ARHGEF18: variants seen among roughly 807,000 people sequenced by gnomAD.
The protein encoded by ARHGEF18 is Rho/Rac guanine nucleotide exchange factor 18.
Under a neutral mutation model 155.7 loss-of-function variants are expected in ARHGEF18, and 93 were observed. The observed-to-expected ratio is 0.60, with a 90% CI of 0.50 to 0.71. The LOEUF (loss-of-function observed/expected upper bound fraction) is 0.71. Ranked by LOEUF, ARHGEF18 falls within the 30% of genes least tolerant of loss-of-function variation. ARHGEF18 has a pLI of 0.00. For synonymous variants in ARHGEF18, 742 were observed against 753.1 expected, an observed-to-expected ratio of 0.99 and a Z score of 0.24; for missense variants, 1,593 against 1,816.1, an observed-to-expected ratio of 0.88 and a Z score of 2.23.
intron 18 of ARHGEF18, among the ~76,000 whole-genome samples, chr19:7,457,824 G>T (rs1455759336): frequency 6.6e-6 from 1 of 152,142 alleles, no homozygotes; most frequent in Non-Finnish European, 1.5e-5. Context: ...CTTGAAGGAT[G>T]CGTGACAGAC....
intron 10 of ARHGEF18, among the ~76,000 whole-genome samples, chr19:7,434,308 A>G (rs1223775328): frequency 2.6e-5 from 4 of 152,080 alleles, no homozygotes; most frequent in African/African-American, 9.7e-5. Context: ...TCTTGAATTC[A>G]TGAAACCAAG....
At position 7,383,067 on chromosome 19, in the gene ARHGEF18, G is replaced by A; in HGVS notation, c.831G>A (p.Lys277=). 1 of 1,232,436 alleles carries A rather than the reference G, an allele frequency of 8.1e-7. No individual in the cohort carries two copies. The highest frequency in any genetic ancestry group is 4.1e-5 in the South Asian group (1 of 24,316). The allele number at this position is 1,232,436 out of a possible 1,614,324, so 76.3% of individuals were successfully genotyped here. ...SRVTRQKEKG[K]SPAHLKDKGQ... ...CCCACCTCTGTCCCATCCAGGGGAA[G>A]AGCCCAGCACATCTGAAGGACAAGG... Residue 277 remains lysine (K), a synonymous_variant, in exon 10 of 29, where the codon AAG becomes AAA. Transcript: ENST00000668164.
At chr19:7,474,962 G>A (rs1370484914), downstream of ARHGEF18, among the ~76,000 whole-genome samples, 1 of 152,048 alleles carries the variant, frequency 6.6e-6, no homozygotes, top group Non-Finnish European at 1.5e-5. Flanking sequence ...GGCTGGGCAC[G>A]GTGGCCCACG....
chr19:7,424,814 TG>T lies in ARHGEF18; in HGVS notation c.968-15529del, dbSNP rs568911902. ...ATCGGGACCATCCTGGCCAACATGG[TG>T]AAACCTCATCTCTACTAAAAATACA... On this transcript the variant is annotated intron_variant, in intron 10 of 28. Coordinates refer to ENST00000668164, the MANE Select transcript of ARHGEF18 (RefSeq NM_001367823.1). Among the ~76,000 whole-genome samples, 352 of 152,058 alleles carry T rather than the reference TG, an allele frequency of 2.3e-3. 2 individuals carry two copies. The highest frequency in any genetic ancestry group is 7.9e-3 in the African/African-American group (329 of 41,488).
At position 7,470,287 on chromosome 19, in the gene ARHGEF18, ATCT is replaced by A. The variant is rs1351546343; in HGVS notation, c.4082_4084del (p.Phe1361del). ...GGAGGACGCCAGCAAAGAAGACGTCATCTTCTTCTAAAAGGGCCGTGACTCAAG... is the reference window on the plus strand; with the variant it reads ...GGAGGACGCCAGCAAAGAAGACGTCATCTTCTAAAAGGGCCGTGACTCAAG... On this transcript the variant is annotated inframe_deletion, in exon 29 of 29. Coordinates refer to ENST00000668164, the MANE Select transcript of ARHGEF18 (RefSeq NM_001367823.1). This position sits in a 1 kb window ranked among gnomAD's most constrained non-coding sequence, Gnocchi z 5.9. 8 of 1,535,926 alleles carry A rather than the reference ATCT, an allele frequency of 5.2e-6. No homozygotes were observed. Among genetic ancestry groups the A allele is most frequent in the South Asian group, 1.2e-5 (1 of 82,660 alleles).
At chr19:7,415,800 A>G (rs4804166) in intron 10 of ARHGEF18, among the ~76,000 whole-genome samples, 83,591 of 151,906 alleles carry the variant, frequency 0.55, 23,478 homozygotes, top group Middle Eastern at 0.74. Context: ...TGGGATTTGC[A>G]GAGTCAGTGT....
Position 7,462,039 on chromosome 19 carries a change from C to G in ARHGEF18, c.2453-113C>G, listed in dbSNP as rs1175501234. ...GGAATGCAGGACACAAGGGGGCAGC[C>G]TACCTCAGGGCAGGGCCAGCGGGGT... On this transcript the variant is annotated intron_variant, in intron 20 of 28. Coordinates refer to ENST00000668164, the MANE Select transcript of ARHGEF18 (RefSeq NM_001367823.1). This position sits in a 1 kb window ranked among gnomAD's most constrained non-coding sequence, Gnocchi z 4.4. 6 of 1,244,110 alleles carry G rather than the reference C, an allele frequency of 4.8e-6. No homozygotes were observed. The Admixed American group carries it at 1.1e-4, about 23-fold the overall frequency. The allele number at this position is 1,244,110 out of a possible 1,614,324, so 77.1% of individuals were successfully genotyped here.
At chr19:7,375,465 C>G (rs768491519) in intron 3 of ARHGEF18, among the ~76,000 whole-genome samples, 3 of 151,320 alleles carry the variant, frequency 2.0e-5, no homozygotes, top group Non-Finnish European at 4.4e-5. Flanking sequence ...AAAGAGAAAA[C>G]CAGTCTGTGC....
chr19:7,393,896 C>T (rs563704005), intron 10 of ARHGEF18, among the ~76,000 whole-genome samples: 3 of 150,404 alleles, frequency 2.0e-5, no homozygotes, highest in Admixed American at 6.7e-5. Context: ...TCTGATGGCA[C>T]CTGCCTGGGT....
At chr19:7,431,631 C>T (rs1213660508) in intron 10 of ARHGEF18, among the ~76,000 whole-genome samples, 1 of 151,576 alleles carries the variant, frequency 6.6e-6, no homozygotes, top group Non-Finnish European at 1.5e-5. Context: ...GCCTGACCAA[C>T]ATGGCGAAAC....
intron 10 of ARHGEF18, among the ~76,000 whole-genome samples, chr19:7,433,003 A>T (rs1974048280): frequency 6.6e-6 from 1 of 151,620 alleles, no homozygotes; most frequent in East Asian, 1.9e-4. Flanking sequence ...GCTACAGAAA[A>T]ATTTTAAATT....
At chr19:7,453,047 A>G (rs994093083) in intron 16 of ARHGEF18, among the ~76,000 whole-genome samples, 4 of 151,680 alleles carry the variant, frequency 2.6e-5, no homozygotes, top group Admixed American at 6.6e-5. Context: ...AATACCAAAA[A>G]AAATAGCTGG....
At chr19:7,447,412 C>G (rs1461566662) in intron 15 of ARHGEF18, among the ~76,000 whole-genome samples, 1 of 151,616 alleles carries the variant, frequency 6.6e-6, no homozygotes, top group African/African-American at 2.4e-5. Flanking sequence ...TTGCTTGAAC[C>G]CAGGAAGCAA....
chr19:7,372,691 A>G (rs957447884), intron 2 of ARHGEF18, 121 bp from the exon 3 acceptor site: 45 of 1,037,030 alleles, frequency 4.3e-5, no homozygotes, highest in African/African-American at 5.0e-5. Flanking sequence ...CCCAGGAGGG[A>G]CAGGTAGGGG....
chr19:7,370,786 T>A (rs8111637), intron 2 of ARHGEF18, among the ~76,000 whole-genome samples: 3 of 152,094 alleles, frequency 2.0e-5, no homozygotes, highest in Non-Finnish European at 2.9e-5. Context: ...CGTGGAGGAA[T>A]CTTGAGGACG....
rs553242416 is a variant in ARHGEF18 at position 7,439,000 on chromosome 19, TA to T, written c.968-1343del. 5.3e-5 allele frequency among the ~76,000 whole-genome samples: 8 copies of T among 152,094 alleles called. No homozygotes were observed. In the South Asian group the frequency reaches 1.7e-3, roughly 32 times the overall value. ...CGATTCCGTGCCTCAGCCTCCCGAGTAGCTGAGATTACAGGCATCCACCACC... is the reference window on the plus strand; with the variant it reads ...CGATTCCGTGCCTCAGCCTCCCGAGTGCTGAGATTACAGGCATCCACCACC... On this transcript the variant is annotated intron_variant, in intron 10 of 28. Coordinates refer to ENST00000668164, the MANE Select transcript of ARHGEF18 (RefSeq NM_001367823.1).
At chr19:7,475,381 T>C (rs957878629), downstream of ARHGEF18, among the ~76,000 whole-genome samples, 4 of 152,062 alleles carry the variant, frequency 2.6e-5, no homozygotes, top group African/African-American at 9.7e-5. Flanking sequence ...CTGAGGGGTG[T>C]GAGGTTTCTC....
At position 7,470,154 on chromosome 19, in the gene ARHGEF18, G is replaced by A. The variant is rs578103182; in HGVS notation, c.3942G>A (p.Pro1314=). The change falls in exon 29 of 29, where the codon CCG becomes CCA. Residue 1314 remains proline, a synonymous_variant. Coordinates refer to ENST00000668164, the MANE Select transcript of ARHGEF18 (RefSeq NM_001367823.1). This position sits in a 1 kb window ranked among gnomAD's most constrained non-coding sequence, Gnocchi z 5.9. ...PDPGFPAPSP[P]PADSPSEGFS... is the part of the protein sequence containing the mutation. Reference sequence around the variant, plus strand: ...CTGGCTTCCCCGCCCCGAGCCCACCGCCAGCTGACAGCCCCTCCGAGGGCT... The same window carrying A: ...CTGGCTTCCCCGCCCCGAGCCCACCACCAGCTGACAGCCCCTCCGAGGGCT... 5.1e-5 allele frequency: 82 copies of A among 1,609,078 alleles called. No individual in the cohort carries two copies. Among genetic ancestry groups the A allele is most frequent in the Middle Eastern group, 1.7e-4 (1 of 6,034 alleles).
chr19:7,474,754 A>AGTGTGAGTGTGTGTGTGTGTGT (rs1977181978), downstream of ARHGEF18, among the ~76,000 whole-genome samples: 1 of 141,970 alleles, frequency 7.0e-6, no homozygotes, highest in African/African-American at 2.7e-5. Flanking sequence ...TGGGCATTGG[A>AGTGTGAGTGTGTGTGTGTGTGT]GTGTGTGTGT....
Sources: allele counts gnomAD v4.1 joint callset (sites outside exome capture counted in the v4.1 genomes callset), GRCh38; gene constraint gnomAD v4.1.1; non-coding constraint Gnocchi (gnomAD v3.1); transcripts MANE v1.5; gene names NCBI Gene and HGNC (gene_info 2026-07-23, HGNC 2026-07-21).